Variants in PRG4 observed in about 807,000 individuals in gnomAD.
PRG4 encodes the protein articular superficial zone protein.
A neutral mutation model predicts 91.2 loss-of-function variants in PRG4; 61 were observed. The observed-to-expected ratio is 0.67, with a 90% CI of 0.54 to 0.83. PRG4 has a LOEUF of 0.83. PRG4 is among the 40% of genes least tolerant of loss of function. PRG4 has a pLI of 0.00. For missense variants in PRG4, 1,564 were observed against 1,714.2 expected (o/e 0.91, Z 1.55); for synonymous variants, 576 against 614.2 (o/e 0.94, Z 0.92).
rs1656460668 is a variant in PRG4 at position 186,304,967 on chromosome 1, AAC to A, written c.598+47_598+48del. ...TCAAAGACTGTATCAATGCCATATT[AAC>A]AATGATTATATTTAAAAGTAATGCG... On this transcript the variant is annotated intron_variant, in intron 6 of 12. Transcript: ENST00000445192. The A allele has an allele frequency of 4.4e-6, 7 of 1,584,260 alleles. No homozygotes were observed. The East Asian group carries it at 6.8e-5, about 15-fold the overall frequency.
intron 6 of PRG4, among the ~76,000 whole-genome samples, chr1:186,305,561 G>A (rs1389300707): frequency 6.6e-6 from 1 of 152,098 alleles, no homozygotes; most frequent in Admixed American, 6.5e-5. Context: ...CTGGATTTTT[G>A]GATAAGGGAG....
In PRG4 at chr1:186,312,163, A is replaced by AATAC. The variant is rs771201446; in HGVS notation, c.3794-8_3794-5dup. 23 of 1,611,396 alleles carry AATAC rather than the reference A, an allele frequency of 1.4e-5. No individual in the cohort carries two copies. The Admixed American group carries it at 3.8e-4, about 27-fold the overall frequency. On this transcript the variant is annotated splice_polypyrimidine_tract_variant and intron_variant, in intron 10 of 12. Coordinates refer to ENST00000445192, the MANE Select transcript of PRG4 (RefSeq NM_005807.6). ...ATTTTCATTTTCCATGTGATATTCT[A>AATAC]ATACATAACAGGTGGCAGCATTCAG...
intron 2 of PRG4, among the ~76,000 whole-genome samples, chr1:186,298,863 T>G (rs1381276128): frequency 6.6e-6 from 1 of 151,900 alleles, no homozygotes; most frequent in Non-Finnish European, 1.5e-5. Flanking sequence ...CTCATTCTCT[T>G]TTTTCTTTAT....
chr1:186,312,076 C>A, intron 10 of PRG4, 99 bp from the exon 11 acceptor site: 2 of 976,910 alleles, frequency 2.0e-6, no homozygotes, highest in Admixed American at 2.0e-5. Context: ...AAAATGAGAA[C>A]AAAACTGTTT....
intron 11 of PRG4, 143 bp downstream of exon 11, chr1:186,312,515 C>T: frequency 1.0e-5 from 9 of 884,190 alleles, no homozygotes; most frequent in Non-Finnish European, 1.4e-5. Context: ...CATCCACTTG[C>T]CTTAGTGAAT....
chr1:186,298,693 G>A (rs1656009375), intron 2 of PRG4, among the ~76,000 whole-genome samples: 1 of 151,906 alleles, frequency 6.6e-6, no homozygotes, highest in Non-Finnish European at 1.5e-5. Context: ...TTTTCACCAT[G>A]TTGGCCAGGC....
chr1:186,299,036 A>G (rs184646037), intron 2 of PRG4, among the ~76,000 whole-genome samples: 1 of 152,266 alleles, frequency 6.6e-6, no homozygotes, highest in Admixed American at 6.5e-5. Flanking sequence ...ATTTGTTTTC[A>G]GTGTGTTTCA....
rs1369076982 is a variant in PRG4 at position 186,308,126 on chromosome 1, G to A, written c.2407G>A (p.Ala803Thr). The A allele has an allele frequency of 6.2e-7, 1 of 1,608,576 alleles. No individual in the cohort carries two copies. The highest frequency in any genetic ancestry group is 1.1e-5 in the South Asian group (1 of 90,548). ...TPKKPAPKEL[A>T]PTTTKGPTST... ...CAAGAAGCCTGCCCCCAAGGAGCTT[G>A]CACCCACCACCACCAAGGGGCCCAC... Residue 803 changes from alanine to threonine, a missense_variant, in exon 7 of 13, where the codon GCA (alanine) becomes ACA (threonine). Around this residue, in one of 3 missense-constraint regions of PRG4, gnomAD observed 1,079 missense variants for 1,162.2 expected, o/e 0.93. Coordinates refer to ENST00000445192, the MANE Select transcript of PRG4 (RefSeq NM_005807.6).
chr1:186,306,632 A>C lies in PRG4; in HGVS notation c.913A>C (p.Thr305Pro). Residue 305 changes from threonine to proline, a missense_variant, in exon 7 of 13, where the codon ACT becomes CCT. Around this residue, in one of 3 missense-constraint regions of PRG4, gnomAD observed 437 missense variants for 459.0 expected, o/e 0.95. Transcript: ENST00000445192. ...TTCAACTGATGGAAAAGAGAAGACT[A>C]CTTCCGCTAAAGAGACACAAAGTAT... ...QTSTDGKEKT[T>P]SAKETQSIEK... 2 of 1,613,538 alleles carry C rather than the reference A, an allele frequency of 1.2e-6. No individual in the cohort carries two copies. The highest frequency in any genetic ancestry group is 1.7e-6 in the Non-Finnish European group (2 of 1,179,610).
rs1234194438 is a variant in PRG4 at position 186,312,006 on chromosome 1, A to C, written c.3794-169A>C. ...TTCATTCAACAAGTATTTCAGTTTA[A>C]TAATTATTTTTATAATACCCTTGAC... On this transcript the variant is annotated intron_variant, in intron 10 of 12. Coordinates refer to ENST00000445192, the MANE Select transcript of PRG4 (RefSeq NM_005807.6). 5.0e-6 allele frequency: 3 copies of C among 602,840 alleles called. No homozygotes were observed. In the East Asian group the frequency reaches 8.5e-5, roughly 17 times the overall value. 37.3% of individuals were successfully genotyped at this position (602,840 alleles called of 1,614,324 possible).
chr1:186,300,062 A>G (rs758434582), intron 2 of PRG4, 29 bp from the exon 3 acceptor site: 2 of 1,613,550 alleles, frequency 1.2e-6, no homozygotes, highest in South Asian at 2.2e-5. Flanking sequence ...TGGTTTGGCC[A>G]TATTTACGCC....
intron 10 of PRG4, chr1:186,311,828 A>C: frequency 5.1e-6 from 3 of 589,678 alleles, no homozygotes; most frequent in African/African-American, 1.9e-5. Context: ...ATAGAATGTC[A>C]TTTACTTTCG....
In PRG4 at chr1:186,312,787, T is replaced by C; in HGVS notation, c.4010T>C (p.Val1337Ala). The change falls in exon 12 of 13, where the codon GTT becomes GCT. Residue 1337 changes from valine (V) to alanine (A), a missense_variant. By Grantham distance (64) the Val-to-Ala change is moderately conservative. This residue lies in a region of PRG4 where 1,079 missense variants were observed against 1,162.2 expected (regional missense o/e 0.93). Coordinates refer to ENST00000445192, the MANE Select transcript of PRG4 (RefSeq NM_005807.6). ...YQDKGVLHNE[V>A]KVSILWRGLP... ...CTTACAGGTGTCCTTCATAATGAAG[T>C]TAAAGTGAGTATACTGTGGAGAGGA... 6.2e-7 allele frequency: 1 copy of C among 1,613,056 alleles called. No individual in the cohort carries two copies. The highest frequency in any genetic ancestry group is 8.5e-7 in the Non-Finnish European group (1 of 1,179,070).
Position 186,296,951 on chromosome 1 carries a change from G to C in PRG4, c.76G>C (p.Asp26His). 6.2e-7 allele frequency: 1 copy of C among 1,611,584 alleles called. No homozygotes were observed. Among genetic ancestry groups the C allele is most frequent in the East Asian group, 2.2e-5 (1 of 44,848 alleles). The change falls in exon 2 of 13, where the codon GAT (aspartate) becomes CAT (histidine). Residue 26 changes from aspartate to histidine, a missense_variant and splice_region_variant. Around this residue, in one of 3 missense-constraint regions of PRG4, gnomAD observed 437 missense variants for 459.0 expected, o/e 0.95. Transcript: ENST00000445192. ...CGTGATTCAGCAAGTTTCATCTCAA[G>C]GTAGCTTAACCATCGAACATACTTT... ...VFVIQQVSSQ[D>H]LSSCAGRCGE... is the part of the protein sequence containing the mutation.
Position 186,301,610 on chromosome 1 carries a change from G to T in PRG4, c.218G>T (p.Arg73Leu). 1.2e-6 allele frequency: 2 copies of T among 1,613,964 alleles called. No homozygotes were observed. The highest frequency in any genetic ancestry group is 1.7e-6 in the Non-Finnish European group (2 of 1,179,906). ...VCTAELSCKG[R>L]CFESFERGRE... ...TGGGTAGAGCTTTCCTGTAAAGGCC[G>T]CTGCTTTGAGTCCTTCGAGAGAGGG... Residue 73 changes from arginine (R) to leucine (L), a missense_variant, in exon 4 of 13, where the codon CGC becomes CTC. Arg to Leu is a moderately radical substitution (Grantham distance 102, BLOSUM62 -2). This residue lies in a region of PRG4 where 437 missense variants were observed against 459.0 expected (regional missense o/e 0.95). Coordinates refer to ENST00000445192, the MANE Select transcript of PRG4 (RefSeq NM_005807.6).
At chr1:186,301,074 T>C (rs1656184994) in intron 3 of PRG4, among the ~76,000 whole-genome samples, 1 of 152,190 alleles carries the variant, frequency 6.6e-6, no homozygotes, top group Admixed American at 6.5e-5. Flanking sequence ...CTTTCAACTA[T>C]ACACCTTCCC....
At chr1:186,298,555 A>T (rs911218693) in intron 2 of PRG4, among the ~76,000 whole-genome samples, 2 of 151,582 alleles carry the variant, frequency 1.3e-5, no homozygotes, top group Non-Finnish European at 2.9e-5. Context: ...CAGTGGCACA[A>T]TCTTGGCTCA....
chr1:186,312,069 A>G (rs1657288345), intron 10 of PRG4, 106 bp from the exon 11 acceptor site: 1 of 890,202 alleles, frequency 1.1e-6, no homozygotes, highest in Non-Finnish European at 1.8e-6. Context: ...TATATGAAAA[A>G]TGAGAACAAA....
intron 11 of PRG4, 167 bp from the exon 12 acceptor site, chr1:186,312,602 C>T (rs577666227): frequency 2.5e-6 from 2 of 798,796 alleles, no homozygotes; most frequent in Admixed American, 2.6e-5. Context: ...ATAACCAATA[C>T]TATTTATCAA....
Sources: allele counts gnomAD v4.1 joint callset (sites outside exome capture counted in the v4.1 genomes callset), GRCh38; gene constraint gnomAD v4.1.1; regional missense constraint gnomAD v4.1.1; transcripts MANE v1.5; gene names NCBI Gene and HGNC (gene_info 2026-07-23, HGNC 2026-07-21).